The following TBCD variants were observed in gnomAD, a reference collection of about 807,000 sequenced individuals.
TBCD encodes the protein tubulin-specific chaperone D.
Under a neutral mutation model 169.3 loss-of-function variants are expected in TBCD, and 105 were observed. The ratio of observed to expected loss-of-function variants is 0.62; its 90% CI spans 0.53 to 0.73. The LOEUF is 0.73. TBCD is among the 30% of genes least tolerant of loss of function. The pLI is 0.00. For synonymous variants in TBCD, 700 were observed against 643.9 expected, an observed-to-expected ratio of 1.09 and a Z score of -1.32; for missense variants, 1,444 against 1,600.1, an observed-to-expected ratio of 0.90 and a Z score of 1.66.
intron 13 of TBCD, among the ~76,000 whole-genome samples, chr17:82,862,730 C>G (rs1298623509): frequency 1.3e-5 from 2 of 152,228 alleles, no homozygotes; most frequent in Non-Finnish European, 2.9e-5. Context: ...TGTCTTCTGC[C>G]GTGAGTTGGC....
At chr17:82,905,856 TGTGTGGGTGC>T in intron 19 of TBCD, 70 bp from the exon 20 acceptor site, 1 of 1,155,150 alleles carries the variant, frequency 8.7e-7, no homozygotes, top group East Asian at 2.6e-5. Context: ...CTCCCGGCCC[TGTGTGGGTGC>T]GTGTGGGCTT....
chr17:82,935,741 G>A (rs2062568407), intron 34 of TBCD, among the ~76,000 whole-genome samples: 1 of 152,206 alleles, frequency 6.6e-6, no homozygotes, highest in Admixed American at 6.5e-5. Flanking sequence ...TGTCTTAGAT[G>A]TACGTACTTT....
chr17:82,879,605 C>T (rs1281335331), intron 14 of TBCD, among the ~76,000 whole-genome samples: 4 of 152,100 alleles, frequency 2.6e-5, no homozygotes, highest in African/African-American at 9.7e-5. Context: ...GATGCAGACA[C>T]GTCTGCCGCT....
intron 13 of TBCD, among the ~76,000 whole-genome samples, chr17:82,824,864 A>G (rs906354192): frequency 1.3e-5 from 2 of 152,146 alleles, no homozygotes; most frequent in African/African-American, 4.8e-5. Context: ...CACTTTTTGT[A>G]TGTAAAAATT....
At chr17:82,938,412 G>A (rs1009603701) in intron 36 of TBCD, among the ~76,000 whole-genome samples, 2 of 152,184 alleles carry the variant, frequency 1.3e-5, no homozygotes, top group African/African-American at 4.8e-5. Context: ...CTTCCAGAAG[G>A]ACCCAGGCTG....
chr17:82,779,892 T>C (rs2048835159), intron 6 of TBCD, among the ~76,000 whole-genome samples: 3 of 152,138 alleles, frequency 2.0e-5, no homozygotes, highest in African/African-American at 7.2e-5. Flanking sequence ...CCACGTGGAC[T>C]CTTCCGCCTC....
intron 12 of TBCD, 51 bp downstream of exon 12, chr17:82,809,833 G>GC (rs2051296014): frequency 6.4e-7 from 1 of 1,562,926 alleles, no homozygotes; most frequent in Non-Finnish European, 8.8e-7. Context: ...GAGTTGAGAA[G>GC]CCCTGGCTTT....
At chr17:82,878,868 T>C (rs1299313508) in intron 14 of TBCD, among the ~76,000 whole-genome samples, 1 of 152,216 alleles carries the variant, frequency 6.6e-6, no homozygotes, top group East Asian at 1.9e-4. Flanking sequence ...CCCAGCTTTA[T>C]TTCATCATTC....
chr17:82,804,258 C>G (rs1317311335), intron 9 of TBCD, among the ~76,000 whole-genome samples: 2 of 152,096 alleles, frequency 1.3e-5, no homozygotes, highest in Non-Finnish European at 2.9e-5. Context: ...GCTGATGATA[C>G]TCTCTTCATA....
At position 82,893,565 on chromosome 17, in the gene TBCD, A is replaced by G; in HGVS notation, c.1582A>G (p.Ile528Val). 1 of 1,611,334 alleles carries G rather than the reference A, an allele frequency of 6.2e-7. No individual in the cohort carries two copies. The highest frequency in any genetic ancestry group is 8.5e-7 in the Non-Finnish European group (1 of 1,178,718). ...VGRQGTFPHG[I>V]DILTTADYFA... Reference sequence around the variant, plus strand: ...TTATTAGGGCACTTTCCCTCATGGTATTGATATTTTGACCACAGCTGACTA... The same window carrying G: ...TTATTAGGGCACTTTCCCTCATGGTGTTGATATTTTGACCACAGCTGACTA... Residue 528 changes from isoleucine (I) to valine (V), a missense_variant, in exon 17 of 39, where the codon ATT becomes GTT. Coordinates refer to ENST00000355528, the MANE Select transcript of TBCD (RefSeq NM_005993.5).
At chr17:82,803,545 C>T (rs894246397) in intron 9 of TBCD, among the ~76,000 whole-genome samples, 1 of 152,230 alleles carries the variant, frequency 6.6e-6, no homozygotes, top group Non-Finnish European at 1.5e-5. Context: ...CATATGAGCC[C>T]TCCACTCATT....
intron 16 of TBCD, chr17:82,893,343 G>A: frequency 1.8e-6 from 1 of 564,892 alleles, no homozygotes; most frequent in East Asian, 3.0e-5. Context: ...ATTTAGCGTG[G>A]TGTTGCCTGG....
rs1418734738 is a variant in TBCD, at chr17:82,794,918, G to A, written c.772-2839G>A. On this transcript the variant is annotated intron_variant, in intron 7 of 38. Coordinates refer to ENST00000355528, the MANE Select transcript of TBCD (RefSeq NM_005993.5). ...GAAAAAGACCCTTCGCCCTGTAAAT[G>A]TGTGGGGTTCTGGTTTCTCCCTTAC... Among the ~76,000 whole-genome samples the A allele has an allele frequency of 2.0e-5, 3 of 152,236 alleles. No individual in the cohort carries two copies. The East Asian group carries it at 5.8e-4, about 29-fold the overall frequency.
At chr17:82,820,819 G>A (rs112591268) in intron 13 of TBCD, among the ~76,000 whole-genome samples, 2 of 88,558 alleles carry the variant, frequency 2.3e-5, no homozygotes, top group Non-Finnish European at 5.4e-5. Context: ...TAGGTTCTGT[G>A]CTCATTTCAG....
Position 82,762,496 on chromosome 17 carries a change from T to A in TBCD, c.236-1469T>A, listed in dbSNP as rs548612629. 9.2e-5 allele frequency among the ~76,000 whole-genome samples: 14 copies of A among 151,748 alleles called. No homozygotes were observed. The South Asian group carries it at 2.7e-3, about 30-fold the overall frequency. ...AGGCGCGGTGGCTCCTACCTGTAAT[T>A]CTAGCACTTTGGGAGACTGAGGCAG... On this transcript the variant is annotated intron_variant, in intron 2 of 38. Transcript: ENST00000355528.
chr17:82,772,924 C>T (rs1229423221), intron 6 of TBCD, among the ~76,000 whole-genome samples: 3 of 152,090 alleles, frequency 2.0e-5, no homozygotes, highest in African/African-American at 4.8e-5. Context: ...ATTAACTGCA[C>T]CCCCCGTGTG....
At position 82,782,660 on chromosome 17, in the gene TBCD, G is replaced by A. The variant is rs2049022116; in HGVS notation, c.771+939G>A. On this transcript the variant is annotated intron_variant, in intron 7 of 38. Coordinates refer to ENST00000355528, the MANE Select transcript of TBCD (RefSeq NM_005993.5). This position sits in a 1 kb window ranked among gnomAD's most constrained non-coding sequence, Gnocchi z 5.1. Reference sequence around the variant, plus strand: ...CGCGCCTGGAAGGACACTTTGGAGCGCGTTTTAGGGGAGATGATGAGTGCC... The same window carrying A: ...CGCGCCTGGAAGGACACTTTGGAGCACGTTTTAGGGGAGATGATGAGTGCC... Among the ~76,000 whole-genome samples the A allele has an allele frequency of 6.6e-6, 1 of 152,210 alleles. No homozygotes were observed. The highest frequency in any genetic ancestry group is 1.5e-5 in the Non-Finnish European group (1 of 68,044).
At chr17:82,843,822 C>T (rs1437158793) in intron 13 of TBCD, among the ~76,000 whole-genome samples, 1 of 152,160 alleles carries the variant, frequency 6.6e-6, no homozygotes, top group Non-Finnish European at 1.5e-5. Context: ...CCCATTATGG[C>T]CCCAGAGAGT....
rs1322829056 is a variant in TBCD, at chr17:82,884,587, G to C, written c.1533+385G>C. 6.6e-6 allele frequency among the ~76,000 whole-genome samples: 1 copy of C among 152,218 alleles called. No individual in the cohort carries two copies. Among genetic ancestry groups the C allele is most frequent in the African/African-American group, 2.4e-5 (1 of 41,448 alleles). ...GACGGGTCACTCACCGGGTGGCTTT[G>C]AGCCTCGGGAGGGGCTGTTGCGAGC... On this transcript the variant is annotated intron_variant, in intron 15 of 38. Coordinates refer to ENST00000355528, the MANE Select transcript of TBCD (RefSeq NM_005993.5). This position sits in a 1 kb window ranked among gnomAD's most constrained non-coding sequence, Gnocchi z 4.2.
Sources: allele counts gnomAD v4.1 joint callset (sites outside exome capture counted in the v4.1 genomes callset), GRCh38; gene constraint gnomAD v4.1.1; non-coding constraint Gnocchi (gnomAD v3.1); transcripts MANE v1.5; gene names NCBI Gene and HGNC (gene_info 2026-07-23, HGNC 2026-07-21).